SUSD1: variants seen among roughly 807,000 people sequenced by gnomAD.
SUSD1 encodes the protein sushi domain-containing protein 1.
In SUSD1, 65 loss-of-function variants were observed where a neutral mutation model predicts 86.9. The observed-to-expected ratio is 0.75, with a 90% CI of 0.61 to 0.92. SUSD1 has a LOEUF of 0.92. Ranked by LOEUF, SUSD1 falls within the 40% of genes least tolerant of loss-of-function variation. The pLI, the probability that SUSD1 is intolerant of heterozygous loss-of-function variation, is 0.00. For missense variants in SUSD1, 850 were observed against 929.7 expected (o/e 0.91, Z 1.11); for synonymous variants, 346 against 350.0 (o/e 0.99, Z 0.13).
At chr9:112,106,102 G>T (rs1328743352) in intron 8 of SUSD1, among the ~76,000 whole-genome samples, 1 of 152,078 alleles carries the variant, frequency 6.6e-6, no homozygotes, top group African/African-American at 2.4e-5. Context: ...CAATTCTCGT[G>T]CCTAAGACTC....
chr9:112,106,454 T>C (rs949348221), intron 8 of SUSD1, among the ~76,000 whole-genome samples: 15 of 152,104 alleles, frequency 9.9e-5, no homozygotes, highest in African/African-American at 3.4e-4. Context: ...CAGATCATCA[T>C]GGACTCAGAA....
At chr9:112,164,038 A>T (rs1037249710) in intron 1 of SUSD1, among the ~76,000 whole-genome samples, 1 of 152,082 alleles carries the variant, frequency 6.6e-6, no homozygotes, top group Admixed American at 6.6e-5. Context: ...AAAAAACTTA[A>T]TATCAGCTGG....
chr9:112,052,673 G>A (rs1020322748), intron 14 of SUSD1, among the ~76,000 whole-genome samples: 1 of 152,300 alleles, frequency 6.6e-6, no homozygotes, highest in Non-Finnish European at 1.5e-5. Context: ...GTTTCCAACA[G>A]GTCTTGGAAA....
intron 6 of SUSD1, among the ~76,000 whole-genome samples, chr9:112,115,824 G>GAAAAAAAAAGAAA (rs1554766278): frequency 2.5e-5 from 3 of 120,948 alleles, no homozygotes; most frequent in East Asian, 2.4e-4. Context: ...AAAAAAAAAA[G>GAAAAAAAAAGAAA]AAAAAAAAAA....
At chr9:112,087,868 G>T (rs149604160) in intron 10 of SUSD1, among the ~76,000 whole-genome samples, 1 of 152,186 alleles carries the variant, frequency 6.6e-6, no homozygotes, top group East Asian at 1.9e-4. Context: ...ATACTAAAGG[G>T]ATACACTGGG....
In SUSD1 at chr9:112,051,583, C is replaced by CA. The variant is rs1455537780; in HGVS notation, c.2149+815dup. Among the ~76,000 whole-genome samples, 4 of 151,706 alleles carry CA rather than the reference C, an allele frequency of 2.6e-5. No individual in the cohort carries two copies. In the East Asian group the frequency reaches 7.7e-4, roughly 29 times the overall value. ...AGTAGCTGAGATTACAGGCATGTGC[C>CA]ACCATGCCTGGCTAATTTTGTATTT... On this transcript the variant is annotated intron_variant, in intron 15 of 16. Coordinates refer to ENST00000374270, the MANE Select transcript of SUSD1 (RefSeq NM_022486.5).
rs1833770213 is a variant in SUSD1 at position 112,165,874 on chromosome 9, A to AAGGAAGG, written c.104-8262_104-8261insCCTTCCT. 2.2e-5 allele frequency among the ~76,000 whole-genome samples: 3 copies of AAGGAAGG among 138,298 alleles called. 1 individual carries two copies. Among genetic ancestry groups the AAGGAAGG allele is most frequent in the African/African-American group, 8.9e-5 (3 of 33,538 alleles). The allele number at this position is 138,298 out of a possible 152,430, so 90.7% of individuals were successfully genotyped here. On this transcript the variant is annotated intron_variant, in intron 1 of 16. Transcript: ENST00000374270. ...AAAGAGAAGGAAGGAAGGAAGGAAG[A>AAGGAAGG]AAGAGAAAGAAAAAGAAAGAAAGAA...
chr9:112,156,766 T>C (rs1398908232), intron 2 of SUSD1, among the ~76,000 whole-genome samples: 13 of 152,154 alleles, frequency 8.5e-5, no homozygotes, highest in Non-Finnish European at 4.4e-5. Flanking sequence ...CAAGGCTGTA[T>C]ATACCATCTA....
chr9:112,051,408 C>CTTTTTTTT (rs746946192), intron 15 of SUSD1, among the ~76,000 whole-genome samples: 190 of 76,994 alleles, frequency 2.5e-3, no homozygotes, highest in African/African-American at 2.8e-3. Context: ...TTTTTCTTTT[C>CTTTTTTTT]TTTTTTTTTT....
intron 1 of SUSD1, among the ~76,000 whole-genome samples, chr9:112,170,469 C>G (rs1192706320): frequency 6.6e-6 from 1 of 151,992 alleles, no homozygotes; most frequent in Non-Finnish European, 1.5e-5. Context: ...CCTCCTCGCC[C>G]ATTCCTACCC....
intron 10 of SUSD1, among the ~76,000 whole-genome samples, chr9:112,085,730 G>A (rs569189112): frequency 2.0e-5 from 3 of 152,304 alleles, no homozygotes; most frequent in South Asian, 2.1e-4. Context: ...ACAAAGACAC[G>A]GAGGTGGAAA....
chr9:112,092,658 A>C (rs1204365788), intron 10 of SUSD1, among the ~76,000 whole-genome samples: 1 of 152,090 alleles, frequency 6.6e-6, no homozygotes, highest in East Asian at 1.9e-4. Flanking sequence ...CGTTTATTTT[A>C]TATACCCATG....
intron 3 of SUSD1, among the ~76,000 whole-genome samples, chr9:112,144,843 A>T (rs1278590779): frequency 3.3e-5 from 5 of 152,182 alleles, no homozygotes; most frequent in Non-Finnish European, 7.3e-5. Context: ...AGACTATCAG[A>T]GGCAGCAGGT....
At chr9:112,168,767 CAAA>C (rs1235308821) in intron 1 of SUSD1, among the ~76,000 whole-genome samples, 6 of 152,132 alleles carry the variant, frequency 3.9e-5, no homozygotes, top group African/African-American at 1.4e-4. Flanking sequence ...CTAGCCTGGC[CAAA>C]AATCTAGACC....
chr9:112,164,759 AC>A (rs1438469188), intron 1 of SUSD1, among the ~76,000 whole-genome samples: 1 of 152,098 alleles, frequency 6.6e-6, no homozygotes, highest in African/African-American at 2.4e-5. Context: ...CCTGGCTAAC[AC>A]GGTGAAACCC....
chr9:112,170,938 C>T (rs970824277), intron 1 of SUSD1, among the ~76,000 whole-genome samples: 2 of 152,098 alleles, frequency 1.3e-5, no homozygotes, highest in African/African-American at 2.4e-5. Flanking sequence ...GTCTCGAACT[C>T]CTGACCCCAA....
chr9:112,057,351 T>C (rs1037459644), intron 14 of SUSD1, among the ~76,000 whole-genome samples: 1 of 152,228 alleles, frequency 6.6e-6, no homozygotes, highest in African/African-American at 2.4e-5. Context: ...ACCAAAGTCT[T>C]AATCTAGGAC....
chr9:112,067,814 A>G (rs1456429229), intron 12 of SUSD1, among the ~76,000 whole-genome samples: 1 of 151,780 alleles, frequency 6.6e-6, no homozygotes, highest in East Asian at 1.9e-4. Flanking sequence ...CTCCCCCCCA[A>G]TCCCCCCACC....
intron 14 of SUSD1, among the ~76,000 whole-genome samples, chr9:112,054,043 A>G (rs1306723473): frequency 6.6e-6 from 1 of 152,176 alleles, no homozygotes; most frequent in Non-Finnish European, 1.5e-5. Context: ...TGTCTTAGCA[A>G]TGGGAGGCAT....
Sources: allele counts gnomAD v4.1 joint callset (sites outside exome capture counted in the v4.1 genomes callset), GRCh38; gene constraint gnomAD v4.1.1; transcripts MANE v1.5; gene names NCBI Gene and HGNC (gene_info 2026-07-23, HGNC 2026-07-21).